The following SLC38A10 variants were observed in gnomAD, a reference collection of about 807,000 sequenced individuals.
SLC38A10 encodes Sodium-coupled neutral amino acid transporter 10.
In SLC38A10, 53 loss-of-function variants were observed where a neutral mutation model predicts 81.0. The observed-to-expected ratio is 0.65, with a 90% CI of 0.53 to 0.82. The LOEUF (loss-of-function observed/expected upper bound fraction) is 0.82, where lower values mean the gene tolerates loss of function less well. SLC38A10 is among the 40% of genes least tolerant of loss of function. SLC38A10 has a pLI of 0.00. For synonymous variants in SLC38A10, 665 were observed against 655.3 expected (o/e 1.01, Z -0.23); for missense variants, 1,471 against 1,545.0 (o/e 0.95, Z 0.80).
At chr17:81,249,935 T>G in intron 14 of SLC38A10, 1 of 693,636 alleles carries the variant, frequency 1.4e-6, no homozygotes, top group Non-Finnish European at 2.1e-6. Context: ...CCTGGGTGCG[T>G]GCGCAGGTCT....
At chr17:81,279,913 G>A (rs1240105072) in intron 6 of SLC38A10, 2 of 278,930 alleles carry the variant, frequency 7.2e-6, no homozygotes, top group Non-Finnish European at 1.4e-5. Context: ...TAAACACAGC[G>A]GTATGAACAA....
rs1475004126 is a variant in SLC38A10, at chr17:81,253,615, A to G, written c.1289-375T>C. Among the ~76,000 whole-genome samples, 2 of 151,136 alleles carry G rather than the reference A, an allele frequency of 1.3e-5. No homozygotes were observed. Among genetic ancestry groups the G allele is most frequent in the Admixed American group, 6.6e-5 (1 of 15,200 alleles). On this transcript the variant is annotated intron_variant, in intron 11 of 15. Coordinates refer to ENST00000374759, the MANE Select transcript of SLC38A10 (RefSeq NM_001037984.3). The surrounding 1 kb of genome is among the most constrained non-coding windows in gnomAD (Gnocchi z 4.1). ...CACCACCACCACCACCATCACCGCT[A>G]TCATCACCATCATCTCCATCCCTAC... is the stretch of plus-strand genomic sequence containing the variant.
chr17:81,254,404 T>C (rs551855193), intron 11 of SLC38A10, among the ~76,000 whole-genome samples: 1 of 152,318 alleles, frequency 6.6e-6, no homozygotes, highest in South Asian at 2.1e-4. Context: ...AATAAACTAG[T>C]TAACAGAAAG....
chr17:81,263,980 G>C (rs2063047285), intron 10 of SLC38A10: 1 of 152,332 alleles, frequency 6.6e-6, no homozygotes, highest in African/African-American at 2.4e-5. Flanking sequence ...ACTCTGCCGG[G>C]GACTGGGCCA....
chr17:81,283,579 C>T lies in SLC38A10; in HGVS notation c.264-77G>A. ...ACCTGGGCTGCCGCCAGGGACTACCCCAAGGCTGGGCTGAATGACAGATGT... is the reference window on the plus strand; with the variant it reads ...ACCTGGGCTGCCGCCAGGGACTACCTCAAGGCTGGGCTGAATGACAGATGT... On this transcript the variant is annotated intron_variant, in intron 3 of 15. Coordinates refer to ENST00000374759, the MANE Select transcript of SLC38A10 (RefSeq NM_001037984.3). The surrounding 1 kb of genome is among the most constrained non-coding windows in gnomAD (Gnocchi z 4.7). 9.3e-7 allele frequency: 1 copy of T among 1,080,960 alleles called. No homozygotes were observed. The highest frequency in any genetic ancestry group is 2.6e-5 in the East Asian group (1 of 38,800). The allele number at this position is 1,080,960 out of a possible 1,614,324, so 67.0% of individuals were successfully genotyped here.
chr17:81,274,612 T>C (rs532327502), intron 8 of SLC38A10, among the ~76,000 whole-genome samples: 36 of 152,312 alleles, frequency 2.4e-4, no homozygotes, highest in Admixed American at 1.4e-3. Context: ...GAGGGGAACC[T>C]GGACGGGGCA....
chr17:81,247,260 G>C lies in SLC38A10; in HGVS notation c.2066-199C>G, dbSNP rs754909821. 20 of 495,282 alleles carry C rather than the reference G, an allele frequency of 4.0e-5. No homozygotes were observed. The East Asian group carries it at 7.0e-4, about 17-fold the overall frequency. The allele number at this position is 495,282 out of a possible 1,614,324, so 30.7% of individuals were successfully genotyped here. ...GTGATGCACGCAGGCCTGAGGGCCC[G>C]GGAGAGGCTGCGCCCTGACTGCCCC... On this transcript the variant is annotated intron_variant, in intron 14 of 15. Transcript: ENST00000374759.
rs1308133452 is a variant in SLC38A10, at chr17:81,286,112, C to T, written c.218-1217G>A. On this transcript the variant is annotated intron_variant, in intron 2 of 15. Transcript: ENST00000374759. This position sits in a 1 kb window ranked among gnomAD's most constrained non-coding sequence, Gnocchi z 6.0. ...CCCCTCAGCAGCCCACAGCCCAGGG[C>T]CCTGCTGTCACCAAGGAACGCCCTC... Among the ~76,000 whole-genome samples the T allele has an allele frequency of 6.6e-6, 1 of 152,174 alleles. No individual in the cohort carries two copies. Among genetic ancestry groups the T allele is most frequent in the African/African-American group, 2.4e-5 (1 of 41,422 alleles).
At chr17:81,266,332 G>A (rs893953144) in intron 10 of SLC38A10, among the ~76,000 whole-genome samples, 9 of 152,186 alleles carry the variant, frequency 5.9e-5, no homozygotes, top group Admixed American at 5.2e-4. Flanking sequence ...GAAAATCCAG[G>A]GGGAGGGCCG....
chr17:81,270,559 G>A lies in SLC38A10; in HGVS notation c.1131+359C>T, dbSNP rs939809664. 4.6e-5 allele frequency among the ~76,000 whole-genome samples: 7 copies of A among 152,152 alleles called. No homozygotes were observed. The highest frequency in any genetic ancestry group is 1.7e-4 in the African/African-American group (7 of 41,428). ...GGAGGGTCGCACCAGGAACAACGGTGGGTGGTGGCCTCAGGGGTGGGCGGC... is the reference window on the plus strand; with the variant it reads ...GGAGGGTCGCACCAGGAACAACGGTAGGTGGTGGCCTCAGGGGTGGGCGGC... On this transcript the variant is annotated intron_variant, in intron 10 of 15. Coordinates refer to ENST00000374759, the MANE Select transcript of SLC38A10 (RefSeq NM_001037984.3). This position sits in a 1 kb window ranked among gnomAD's most constrained non-coding sequence, Gnocchi z 4.0.
intron 2 of SLC38A10, among the ~76,000 whole-genome samples, chr17:81,287,564 G>A (rs980425704): frequency 2.0e-5 from 3 of 152,258 alleles, no homozygotes; most frequent in African/African-American, 7.2e-5. Flanking sequence ...GAACCACCGT[G>A]TTTGGTGTCA....
rs1458659464 is a variant in SLC38A10 at position 81,270,648 on chromosome 17, G to A, written c.1131+270C>T. 6.6e-6 allele frequency among the ~76,000 whole-genome samples: 1 copy of A among 152,162 alleles called. No homozygotes were observed. Among genetic ancestry groups the A allele is most frequent in the African/African-American group, 2.4e-5 (1 of 41,426 alleles). On this transcript the variant is annotated intron_variant, in intron 10 of 15. Coordinates refer to ENST00000374759, the MANE Select transcript of SLC38A10 (RefSeq NM_001037984.3). This position sits in a 1 kb window ranked among gnomAD's most constrained non-coding sequence, Gnocchi z 4.0. Reference sequence around the variant, plus strand: ...AATCAGGCATCGCAGAAACACCATGGGGAAAGCGCTTACGACTCAGCTAAG... The same window carrying A: ...AATCAGGCATCGCAGAAACACCATGAGGAAAGCGCTTACGACTCAGCTAAG...
In SLC38A10 at chr17:81,276,621, A is replaced by G. The variant is rs552104520; in HGVS notation, c.729+410T>C. Among the ~76,000 whole-genome samples the G allele has an allele frequency of 2.6e-4, 40 of 152,010 alleles. No homozygotes were observed. Among genetic ancestry groups the G allele is most frequent in the Non-Finnish European group, 3.7e-4 (25 of 67,982 alleles). On this transcript the variant is annotated intron_variant, in intron 7 of 15. Coordinates refer to ENST00000374759, the MANE Select transcript of SLC38A10 (RefSeq NM_001037984.3). The surrounding 1 kb of genome is among the most constrained non-coding windows in gnomAD (Gnocchi z 4.7). ...TGGCCAGGCTGGTCTTGAACTCCTG[A>G]CCTCATGATCTGCCCACCTCGGTCT...
At chr17:81,287,818 C>A (rs1024133548) in intron 2 of SLC38A10, among the ~76,000 whole-genome samples, 1 of 152,222 alleles carries the variant, frequency 6.6e-6, no homozygotes, top group Non-Finnish European at 1.5e-5. Flanking sequence ...CTCCCCAGCC[C>A]TGGGTCACCG....
Position 81,295,079 on chromosome 17 carries a change from C to T in SLC38A10, c.-158G>A. Reference sequence around the variant, plus strand: ...CTGAACACGGGAGCCTGAGCAGGCGCGGGCGCGGGCCCCAGAGGCTGCCTG... The same window carrying T: ...CTGAACACGGGAGCCTGAGCAGGCGTGGGCGCGGGCCCCAGAGGCTGCCTG... On this transcript the variant is annotated 5_prime_UTR_variant, in exon 1 of 16. Coordinates refer to ENST00000374759, the MANE Select transcript of SLC38A10 (RefSeq NM_001037984.3). The T allele has an allele frequency of 1.6e-6, 2 of 1,247,908 alleles. No individual in the cohort carries two copies. The highest frequency in any genetic ancestry group is 2.2e-5 in the South Asian group (1 of 44,758). The allele number at this position is 1,247,908 out of a possible 1,614,324, so 77.3% of individuals were successfully genotyped here. A position where few individuals can be genotyped will look rare whatever the true frequency, so the allele number is the denominator to read the frequency against.
intron 14 of SLC38A10, among the ~76,000 whole-genome samples, chr17:81,249,184 G>A (rs1472549660): frequency 1.5e-5 from 2 of 136,086 alleles, no homozygotes; most frequent in Admixed American, 7.2e-5. Context: ...GAGGAAAGAG[G>A]AGACAGAAGG....
At position 81,245,974 on chromosome 17, in the gene SLC38A10, C is replaced by T. The variant is rs758162392; in HGVS notation, c.2942G>A (p.Gly981Asp). Residue 981 changes from glycine (G) to aspartate (D), a missense_variant, in exon 16 of 16, where the codon GGT becomes GAT. Gly to Asp is a moderately conservative substitution (Grantham distance 94, BLOSUM62 -1). Around this residue, in one of 2 missense-constraint regions of SLC38A10, gnomAD observed 751 missense variants for 717.4 expected, o/e 1.05. Transcript: ENST00000374759. Reference protein sequence around the residue: ...GQQGHRLDHGGHLEMRKARGG... With the variant: ...GQQGHRLDHGDHLEMRKARGG... Reference sequence around the variant, plus strand: ...GCGGGCCTTTCTCATCTCCAGGTGACCGCCATGGTCCAGCCGGTGGCCCTG... The same window carrying T: ...GCGGGCCTTTCTCATCTCCAGGTGATCGCCATGGTCCAGCCGGTGGCCCTG... 3.7e-6 allele frequency: 6 copies of T among 1,603,082 alleles called. No homozygotes were observed. The highest frequency in any genetic ancestry group is 4.3e-6 in the Non-Finnish European group (5 of 1,173,998).
intron 4 of SLC38A10, 59 bp from the exon 5 acceptor site, chr17:81,282,391 T>C: frequency 6.4e-7 from 1 of 1,553,658 alleles, no homozygotes; most frequent in Non-Finnish European, 8.7e-7. Context: ...CACCGGGCTC[T>C]CTGCACTGAC....
In SLC38A10 at chr17:81,283,747, G is replaced by C. The variant is rs1351994930; in HGVS notation, c.264-245C>G. 6.6e-6 allele frequency among the ~76,000 whole-genome samples: 1 copy of C among 151,840 alleles called. No individual in the cohort carries two copies. The highest frequency in any genetic ancestry group is 1.5e-5 in the Non-Finnish European group (1 of 67,966). On this transcript the variant is annotated intron_variant, in intron 3 of 15. Coordinates refer to ENST00000374759, the MANE Select transcript of SLC38A10 (RefSeq NM_001037984.3). This position sits in a 1 kb window ranked among gnomAD's most constrained non-coding sequence, Gnocchi z 4.7. The stretch of plus-strand genomic sequence containing the variant: ...TCCTGCCTCAGCCTCCCGAGTAGCT[G>C]GGAGTAGCCGAGTAGCCACGCCCGG...
Sources: allele counts gnomAD v4.1 joint callset (sites outside exome capture counted in the v4.1 genomes callset), GRCh38; gene constraint gnomAD v4.1.1; regional missense constraint gnomAD v4.1.1; non-coding constraint Gnocchi (gnomAD v3.1); transcripts MANE v1.5; gene names NCBI Gene and HGNC (gene_info 2026-07-23, HGNC 2026-07-21).